The following CERS4 variants were observed in gnomAD, a reference collection of about 807,000 sequenced individuals.
The protein encoded by CERS4 is LAG1 homolog, ceramide synthase 4.
In CERS4, 65 loss-of-function variants were observed where a neutral mutation model predicts 51.8. The ratio of observed to expected loss-of-function variants is 1.26; its 90% CI spans 1.03 to 1.54. CERS4 has a LOEUF of 1.54. Among genes scored for constraint, CERS4 ranks in the 40% most tolerant of loss-of-function variants. The pLI, the probability that CERS4 is intolerant of heterozygous loss-of-function variation, is 0.00. For synonymous variants in CERS4, 228 were observed against 208.4 expected (o/e 1.09, Z -0.81); for missense variants, 563 against 500.4 (o/e 1.13, Z -1.19).
chr19:8,255,621 C>G lies in CERS4; in HGVS notation c.306C>G (p.Leu102=). Residue 102 remains leucine (L), a synonymous_variant, in exon 5 of 12, where the codon CTC becomes CTG. Transcript: ENST00000251363. ...GHRPKEPQLS[L]LAAQCGLTLQ... ...CCCCTCCCCAGCCCCAGCTGTCTCT[C>G]CTGGCCGCCCAGTGTGGCCTCACGC... 6.2e-7 allele frequency: 1 copy of G among 1,612,138 alleles called. No homozygotes were observed. The highest frequency in any genetic ancestry group is 2.0e-4 in the Middle Eastern group (1 of 4,908).
At chr19:8,260,480 A>G (rs1475960809) in intron 10 of CERS4, among the ~76,000 whole-genome samples, 2 of 147,924 alleles carry the variant, frequency 1.4e-5, no homozygotes, top group African/African-American at 4.9e-5. Flanking sequence ...TGCTGGGATT[A>G]CAGGCGTGAG....
chr19:8,220,120 G>A (rs1040233324), intron 2 of CERS4, among the ~76,000 whole-genome samples: 3 of 151,824 alleles, frequency 2.0e-5, no homozygotes, highest in Admixed American at 1.3e-4. Context: ...TTTGCCCACC[G>A]GCTCTCCTCG....
intron 2 of CERS4, among the ~76,000 whole-genome samples, chr19:8,233,147 A>G (rs752137827): frequency 6.6e-6 from 1 of 151,744 alleles, no homozygotes; most frequent in Non-Finnish European, 1.5e-5. Flanking sequence ...CTGGGATTAC[A>G]GGCAAAAGCC....
chr19:8,217,550 T>G (rs1296977000), intron 2 of CERS4, among the ~76,000 whole-genome samples: 1 of 151,124 alleles, frequency 6.6e-6, no homozygotes, highest in Non-Finnish European at 1.5e-5. Flanking sequence ...TTTTTTTTTT[T>G]TTTTGAGATG....
chr19:8,215,737 C>G (rs10418768), intron 2 of CERS4, among the ~76,000 whole-genome samples: 54,890 of 151,950 alleles, frequency 0.36, 10,454 homozygotes, highest in African/African-American at 0.41. Flanking sequence ...CCCCTCCATC[C>G]CCGTCCAAAC....
chr19:8,255,071 C>T (rs1969306091), intron 4 of CERS4, among the ~76,000 whole-genome samples: 1 of 152,178 alleles, frequency 6.6e-6, no homozygotes, highest in Admixed American at 6.5e-5. Context: ...ACCCTCCCTC[C>T]ATTCCCGTCT....
chr19:8,260,736 G>A (rs973137262), intron 10 of CERS4, among the ~76,000 whole-genome samples: 3 of 151,398 alleles, frequency 2.0e-5, no homozygotes, highest in Non-Finnish European at 4.4e-5. Context: ...GATCACTTGA[G>A]GTCAGGAGTT....
chr19:8,258,588 TA>T (rs1969518229), intron 10 of CERS4, among the ~76,000 whole-genome samples: 1 of 152,002 alleles, frequency 6.6e-6, no homozygotes, highest in Non-Finnish European at 1.5e-5. Flanking sequence ...CTCACCCCTG[TA>T]ATCCCAACAC....
chr19:8,222,098 T>G (rs1037439772), intron 2 of CERS4: 3 of 151,584 alleles, frequency 2.0e-5, no homozygotes, highest in African/African-American at 7.3e-5. Flanking sequence ...GCAAGGATGG[T>G]CTCAATCTCC....
intron 10 of CERS4, among the ~76,000 whole-genome samples, chr19:8,260,626 A>G (rs1287149599): frequency 1.3e-5 from 2 of 151,854 alleles, no homozygotes; most frequent in African/African-American, 4.8e-5. Flanking sequence ...CTTGTGTGAA[A>G]TAACAGTGGG....
intron 2 of CERS4, among the ~76,000 whole-genome samples, chr19:8,228,966 A>G (rs967870210): frequency 1.3e-5 from 2 of 150,544 alleles, no homozygotes; most frequent in African/African-American, 4.9e-5. Context: ...GGAGGTTGCA[A>G]TGAGCAGAGA....
chr19:8,239,125 G>A (rs988330407), intron 2 of CERS4, among the ~76,000 whole-genome samples: 1 of 151,776 alleles, frequency 6.6e-6, no homozygotes, highest in South Asian at 2.1e-4. Flanking sequence ...ATTGTGGCCA[G>A]GTGTGGTGGC....
At chr19:8,258,055 A>C in intron 10 of CERS4, 70 bp downstream of exon 10, 1 of 1,201,284 alleles carries the variant, frequency 8.3e-7, no homozygotes, top group Non-Finnish European at 1.2e-6. Context: ...CTGCCTCACC[A>C]TTGGTACCCT....
chr19:8,227,126 CAAAA>C (rs1006014675), intron 2 of CERS4, among the ~76,000 whole-genome samples: 1 of 151,326 alleles, frequency 6.6e-6, no homozygotes, highest in African/African-American at 2.4e-5. Context: ...GAAACTGTCT[CAAAA>C]AAAAGAGAAT....
At chr19:8,258,958 A>G (rs1188257002) in intron 10 of CERS4, among the ~76,000 whole-genome samples, 1 of 151,518 alleles carries the variant, frequency 6.6e-6, no homozygotes, top group East Asian at 1.9e-4. Context: ...ACACAGAGAA[A>G]CCCTGTCTCT....
At chr19:8,250,690 C>T (rs556098007) in intron 2 of CERS4, 17 of 331,152 alleles carry the variant, frequency 5.1e-5, no homozygotes, top group Admixed American at 3.8e-4. Flanking sequence ...CTCCTGGCCT[C>T]GTGATCCACC....
At chr19:8,256,922 C>CA (rs763929407) in intron 8 of CERS4, 27 bp from the exon 9 acceptor site, 1 of 1,613,984 alleles carries the variant, frequency 6.2e-7, no homozygotes, top group Non-Finnish European at 8.5e-7. Flanking sequence ...AAGCCTCGTC[C>CA]CCACTATGAC....
intron 2 of CERS4, among the ~76,000 whole-genome samples, chr19:8,227,514 G>T (rs1008894223): frequency 2.6e-5 from 4 of 151,802 alleles, no homozygotes; most frequent in Admixed American, 6.6e-5. Context: ...GCTAATTTTT[G>T]CATTTTTAGT....
chr19:8,217,032 A>C (rs756366668), intron 2 of CERS4, among the ~76,000 whole-genome samples: 4 of 152,122 alleles, frequency 2.6e-5, no homozygotes, highest in African/African-American at 9.7e-5. Context: ...GGAGTCTGGA[A>C]GGAGCTGGGG....
Sources: allele counts gnomAD v4.1 joint callset (sites outside exome capture counted in the v4.1 genomes callset), GRCh38; gene constraint gnomAD v4.1.1; transcripts MANE v1.5; gene names NCBI Gene and HGNC (gene_info 2026-07-23, HGNC 2026-07-21).